HMGCLL1: variants seen among roughly 807,000 people sequenced by gnomAD.
HMGCLL1 encodes 3-hydroxy-3-methylglutaryl-CoA lyase like 1.
In HMGCLL1, 36 loss-of-function variants were observed where a neutral mutation model predicts 39.1. That is an observed-to-expected ratio of 0.92 (90% CI 0.71 to 1.22). HMGCLL1 has a LOEUF of 1.22. Among genes scored for constraint, HMGCLL1 ranks in the 50% most tolerant of loss-of-function variants. The pLI is 0.00. For missense variants in HMGCLL1, 451 were observed against 416.5 expected, an observed-to-expected ratio of 1.08 and a Z score of -0.72; for synonymous variants, 149 against 144.0, an observed-to-expected ratio of 1.03 and a Z score of -0.25.
chr6:55,512,074 A>G (rs1767493442), intron 5 of HMGCLL1: 1 of 152,140 alleles, frequency 6.6e-6, no homozygotes, highest in South Asian at 2.1e-4. Flanking sequence ...AACAATGAGT[A>G]TTAAGAGGGT....
chr6:55,443,232 A>G (rs951492511), intron 7 of HMGCLL1, among the ~76,000 whole-genome samples: 1 of 152,152 alleles, frequency 6.6e-6, no homozygotes, highest in Non-Finnish European at 1.5e-5. Context: ...GGGGCAGCAA[A>G]CAGTTAACCA....
At chr6:55,556,021 G>T (rs73451193) in intron 1 of HMGCLL1, among the ~76,000 whole-genome samples, 3,884 of 152,056 alleles carry the variant, frequency 0.026, 164 homozygotes, top group African/African-American at 0.089. Flanking sequence ...ATCTTTGCGG[G>T]GGTTCCCTAA....
chr6:55,580,039 G>T (rs1403172045), upstream of HMGCLL1, among the ~76,000 whole-genome samples: 1 of 152,094 alleles, frequency 6.6e-6, no homozygotes, highest in Non-Finnish European at 1.5e-5. Flanking sequence ...GGATACCTAG[G>T]GTCTTCCGGA....
chr6:55,577,193 A>G (rs2127480004), intron 1 of HMGCLL1: 1 of 1,556,104 alleles, frequency 6.4e-7, no homozygotes, highest in East Asian at 2.4e-5. Flanking sequence ...TCAAAAAGCC[A>G]AGTGTCAGAT....
intron 7 of HMGCLL1, among the ~76,000 whole-genome samples, 197 bp downstream of exon 7, chr6:55,495,222 A>G (rs1766509781): frequency 1.3e-5 from 2 of 152,232 alleles, no homozygotes; most frequent in Admixed American, 1.3e-4. Context: ...ACTAACAGTA[A>G]TAAGAGATCT....
chr6:55,457,093 A>AT (rs762048151), intron 7 of HMGCLL1, among the ~76,000 whole-genome samples: 1 of 152,064 alleles, frequency 6.6e-6, no homozygotes, highest in Admixed American at 6.6e-5. Context: ...ACATTCAATT[A>AT]TTTTTGTGTC....
the HMGCLL1 span, among the ~76,000 whole-genome samples, chr6:55,596,326 T>C: frequency 6.6e-6 from 1 of 152,080 alleles, no homozygotes; most frequent in East Asian, 1.9e-4. Context: ...AAACCCTGTC[T>C]CAAAAATAAA....
chr6:55,646,412 A>G, the HMGCLL1 span, among the ~76,000 whole-genome samples: 1 of 150,752 alleles, frequency 6.6e-6, no homozygotes, highest in Non-Finnish European at 1.5e-5. Context: ...GATCTTTATT[A>G]TTTCTTTTGT....
chr6:55,563,282 G>C (rs1561965037), intron 1 of HMGCLL1, among the ~76,000 whole-genome samples: 2 of 152,036 alleles, frequency 1.3e-5, no homozygotes, highest in South Asian at 2.1e-4. Flanking sequence ...GGTGGCAAGG[G>C]GTGGGAGGAA....
chr6:55,584,946 G>A, the HMGCLL1 span, among the ~76,000 whole-genome samples: 2 of 151,758 alleles, frequency 1.3e-5, no homozygotes, highest in South Asian at 2.1e-4. Flanking sequence ...AACAATACTA[G>A]ATGATACCTA....
intron 3 of HMGCLL1, among the ~76,000 whole-genome samples, chr6:55,539,978 AAGGAAGGAAGGAAGGAAGGGAGGGAGGG>A (rs1167692725): frequency 0.1 from 1,633 of 15,794 alleles, 95 homozygotes; most frequent in African/African-American, 0.19. Flanking sequence ...GGAAGGAAGG[AAGGAAGGAAGGAAGGAAGGGAGGGAGGG>A]AGGGAGGGAG....
the HMGCLL1 span, among the ~76,000 whole-genome samples, chr6:55,651,899 G>T: frequency 6.6e-6 from 1 of 152,038 alleles, no homozygotes; most frequent in Non-Finnish European, 1.5e-5. Context: ...TAAAGTCTCT[G>T]AGTCACTCCA....
At chr6:55,554,984 TC>T (rs1477260985) in intron 1 of HMGCLL1, among the ~76,000 whole-genome samples, 1 of 152,224 alleles carries the variant, frequency 6.6e-6, no homozygotes, top group Non-Finnish European at 1.5e-5. Flanking sequence ...TCTTGCCACC[TC>T]CTCTGCAAGG....
chr6:55,612,541 C>A, the HMGCLL1 span, among the ~76,000 whole-genome samples: 1 of 152,174 alleles, frequency 6.6e-6, no homozygotes, highest in Non-Finnish European at 1.5e-5. Flanking sequence ...CACTACCTGA[C>A]TTCAAACTAC....
At chr6:55,465,243 G>T (rs533020706) in intron 7 of HMGCLL1, among the ~76,000 whole-genome samples, 1 of 151,916 alleles carries the variant, frequency 6.6e-6, no homozygotes, top group Non-Finnish European at 1.5e-5. Context: ...ATTTCCAACT[G>T]AAATTTTGTC....
chr6:55,674,544 T>A, the HMGCLL1 span, among the ~76,000 whole-genome samples: 8,375 of 152,164 alleles, frequency 0.055, 392 homozygotes, highest in Non-Finnish European at 0.077. Context: ...AATTTACCTT[T>A]CCTCCATGTT....
At chr6:55,598,438 A>G in the HMGCLL1 span, among the ~76,000 whole-genome samples, 2 of 152,174 alleles carry the variant, frequency 1.3e-5, no homozygotes, top group Non-Finnish European at 2.9e-5. Flanking sequence ...CAACACACAG[A>G]CTGCGTTGTA....
At chr6:55,486,038 A>G (rs1009192126) in intron 7 of HMGCLL1, among the ~76,000 whole-genome samples, 5 of 150,814 alleles carry the variant, frequency 3.3e-5, no homozygotes, top group African/African-American at 7.3e-5. Context: ...CACATTTAAC[A>G]TACACACAAG....
the HMGCLL1 span, among the ~76,000 whole-genome samples, chr6:55,601,132 GACA>G: frequency 2.0e-5 from 3 of 152,118 alleles, no homozygotes; most frequent in Admixed American, 2.0e-4. Flanking sequence ...TGCCACAAAT[GACA>G]ACACCTCAGT....
Sources: allele counts gnomAD v4.1 joint callset (sites outside exome capture counted in the v4.1 genomes callset), GRCh38; gene constraint gnomAD v4.1.1; transcripts MANE v1.5; gene names NCBI Gene and HGNC (gene_info 2026-07-23, HGNC 2026-07-21).